The following DPH6 variants were observed in gnomAD, a reference collection of about 807,000 sequenced individuals.
DPH6 encodes diphthamine biosynthesis 6, also known as diphthine--ammonia ligase.
A neutral mutation model predicts 38.2 loss-of-function variants in DPH6; 33 were observed. That is an observed-to-expected ratio of 0.86 (90% CI 0.65 to 1.15). The LOEUF (loss-of-function observed/expected upper bound fraction) is 1.15, where lower values mean the gene tolerates loss of function less well. Ranked by LOEUF, DPH6 falls within the 50% of genes most tolerant of loss-of-function variation. The pLI, the probability that DPH6 is intolerant of heterozygous loss-of-function variation, is 0.00. For synonymous variants in DPH6, 108 were observed against 103.0 expected (o/e 1.05, Z -0.30); for missense variants, 325 against 320.0 (o/e 1.02, Z -0.12).
intron 3 of DPH6, among the ~76,000 whole-genome samples, chr15:35,481,702 G>A (rs1311860664): frequency 2.0e-5 from 3 of 152,072 alleles, no homozygotes; most frequent in Admixed American, 6.6e-5. Flanking sequence ...AAGAATAATA[G>A]AAGGAGGGAA....
intron 5 of DPH6, among the ~76,000 whole-genome samples, chr15:35,415,107 T>C (rs1025188641): frequency 6.6e-6 from 1 of 151,916 alleles, no homozygotes; most frequent in African/African-American, 2.4e-5. Context: ...TTACAATGTT[T>C]TCCAGTACAA....
chr15:35,462,214 A>G lies in DPH6; in HGVS notation c.313-7394T>C, dbSNP rs142355591. On this transcript the variant is annotated intron_variant, in intron 3 of 8. Transcript: ENST00000256538. ...ACCACCACCCCTTAATTTGACTATTACCATAGCTTCCTAACTGGCCTCCCT... is the reference window on the plus strand; with the variant it reads ...ACCACCACCCCTTAATTTGACTATTGCCATAGCTTCCTAACTGGCCTCCCT... Among the ~76,000 whole-genome samples, 1,469 of 152,084 alleles carry G rather than the reference A, an allele frequency of 9.7e-3. 17 individuals carry two copies. Among genetic ancestry groups the G allele is most frequent in the Non-Finnish European group, 0.011 (759 of 67,998 alleles).
intron 8 of DPH6, 87 bp downstream of exon 8, chr15:35,373,434 A>T: frequency 1.8e-6 from 2 of 1,141,898 alleles, no homozygotes; most frequent in Non-Finnish European, 2.4e-6. Flanking sequence ...TTTTCCTGTC[A>T]TCTGTTGTTA....
At chr15:35,343,758 T>G (rs930776037) in intron 3 of DPH6, among the ~76,000 whole-genome samples, 11 of 151,980 alleles carry the variant, frequency 7.2e-5, no homozygotes, top group Non-Finnish European at 1.5e-4. Flanking sequence ...AAGAGAAAAA[T>G]AATCTCTCAT....
intron 3 of DPH6, among the ~76,000 whole-genome samples, chr15:35,293,902 T>C (rs769511988): frequency 1.3e-5 from 2 of 152,214 alleles, no homozygotes; most frequent in Non-Finnish European, 2.9e-5. Flanking sequence ...TTGTCTTATT[T>C]ATCTTGGGTG....
chr15:35,260,684 T>G lies in DPH6; in HGVS notation n.201-40102A>C, dbSNP rs78839086. On this transcript the variant is annotated intron_variant and non_coding_transcript_variant, in intron 3 of 3. Coordinates refer to the DPH6 transcript ENST00000560386. ...AATTCAGATACAAATTTTCATTTAT[T>G]TTACCTACTTCTTTTTTTTACCTCC... 1.7e-3 allele frequency among the ~76,000 whole-genome samples: 255 copies of G among 152,168 alleles called. 1 individual carries two copies. Among genetic ancestry groups the G allele is most frequent in the Non-Finnish European group, 3.1e-3 (209 of 67,986 alleles).
intron 3 of DPH6, among the ~76,000 whole-genome samples, chr15:35,497,656 G>A (rs939039291): frequency 1.3e-5 from 2 of 152,140 alleles, no homozygotes; most frequent in African/African-American, 4.8e-5. Flanking sequence ...CACTTACTCT[G>A]TGAATCGATA....
intron 5 of DPH6, among the ~76,000 whole-genome samples, chr15:35,419,118 C>T (rs2053473263): frequency 6.6e-6 from 1 of 151,228 alleles, no homozygotes; most frequent in African/African-American, 2.4e-5. Flanking sequence ...CTTCCTATCT[C>T]TACCAGGCTT....
intron 5 of DPH6, among the ~76,000 whole-genome samples, chr15:35,445,541 C>T (rs1334432878): frequency 6.6e-6 from 1 of 151,544 alleles, no homozygotes; most frequent in Non-Finnish European, 1.5e-5. Flanking sequence ...AAAAACTCAA[C>T]ATATGAACCA....
intron 5 of DPH6, among the ~76,000 whole-genome samples, chr15:35,436,504 C>CCAAA: frequency 9.2e-6 from 1 of 108,188 alleles, no homozygotes; most frequent in East Asian, 2.9e-4. Context: ...CAAAACAAAA[C>CCAAA]AAAACAAAAC....
At chr15:35,248,810 T>C (rs2051653259) in intron 3 of DPH6, among the ~76,000 whole-genome samples, 1 of 152,192 alleles carries the variant, frequency 6.6e-6, no homozygotes, top group Non-Finnish European at 1.5e-5. Flanking sequence ...TGGTAAGAGT[T>C]TTATAAAATA....
chr15:35,534,130 C>G (rs1205008485), intron 3 of DPH6, among the ~76,000 whole-genome samples: 4 of 151,970 alleles, frequency 2.6e-5, no homozygotes, highest in Admixed American at 2.0e-4. Context: ...GTAATCCCAA[C>G]ACTTAGGGAG....
At chr15:35,437,133 A>T (rs2053726897) in intron 5 of DPH6, among the ~76,000 whole-genome samples, 1 of 152,018 alleles carries the variant, frequency 6.6e-6, no homozygotes, top group African/African-American at 2.4e-5. Context: ...TACTCAGACG[A>T]AAGAAAGAGG....
intron 5 of DPH6, among the ~76,000 whole-genome samples, chr15:35,437,705 G>T (rs1284645139): frequency 6.6e-6 from 1 of 152,192 alleles, no homozygotes; most frequent in African/African-American, 2.4e-5. Context: ...ATGAGATACA[G>T]GCCTAGTACT....
intron 3 of DPH6, among the ~76,000 whole-genome samples, chr15:35,471,125 TG>T (rs2054193594): frequency 6.6e-6 from 1 of 152,228 alleles, no homozygotes; most frequent in South Asian, 2.1e-4. Context: ...AGGCAACTAA[TG>T]TAACATGTGA....
intron 6 of DPH6, among the ~76,000 whole-genome samples, chr15:35,406,004 AT>A (rs1348581798): frequency 1.3e-5 from 2 of 151,914 alleles, no homozygotes; most frequent in African/African-American, 4.8e-5. Flanking sequence ...TGTTGAATTT[AT>A]TTTTCACGCA....
chr15:35,218,953 AACT>A (rs1354613546), exon 4 of DPH6: 28 of 152,180 alleles, frequency 1.8e-4, no homozygotes, highest in African/African-American at 6.5e-4. Context: ...CTTTTCTGGC[AACT>A]ACTAAGATGA....
In DPH6 at chr15:35,293,515, G is replaced by A. The variant is rs866137367; in HGVS notation, n.201-72933C>T. On this transcript the variant is annotated intron_variant and non_coding_transcript_variant, in intron 3 of 3. Transcript: ENST00000560386. ...TGTGTTGAGTCTTTCTGGCCACAAG[G>A]GCACCATTTAGTAAATTACTTCCTC... Among the ~76,000 whole-genome samples, 34 of 152,250 alleles carry A rather than the reference G, an allele frequency of 2.2e-4. 1 individual carries two copies. Among genetic ancestry groups the A allele is most frequent in the African/African-American group, 6.0e-4 (25 of 41,562 alleles).
rs115610212 is a variant in DPH6, at chr15:35,462,836, T to C, written c.313-8016A>G. 6.7e-3 allele frequency among the ~76,000 whole-genome samples: 1,016 copies of C among 152,300 alleles called. 19 individuals carry two copies. The highest frequency in any genetic ancestry group is 0.023 in the African/African-American group (969 of 41,566). On this transcript the variant is annotated intron_variant, in intron 3 of 8. Coordinates refer to ENST00000256538, the MANE Select transcript of DPH6 (RefSeq NM_080650.4). The stretch of plus-strand genomic sequence containing the variant: ...CTCTAGAAAAGTACCTGGTACAATA[T>C]TAAATAAATATTTATAACTGAATGA...
Sources: allele counts gnomAD v4.1 joint callset (sites outside exome capture counted in the v4.1 genomes callset), GRCh38; gene constraint gnomAD v4.1.1; transcripts MANE v1.5; gene names NCBI Gene and HGNC (gene_info 2026-07-23, HGNC 2026-07-21).